GPD2: variants seen among roughly 807,000 people sequenced by gnomAD.
The protein encoded by GPD2 is glycerol-3-phosphate dehydrogenase 2.
In GPD2, 54 loss-of-function variants were observed where a neutral mutation model predicts 82.4. The ratio of observed to expected loss-of-function variants is 0.66; its 90% confidence interval spans 0.53 to 0.82. The LOEUF (loss-of-function observed/expected upper bound fraction) is 0.82. GPD2 is among the 40% of genes least tolerant of loss of function. GPD2 has a pLI of 0.00. For missense variants in GPD2, 748 were observed against 896.2 expected, an observed-to-expected ratio of 0.83 and a Z score of 2.11; for synonymous variants, 288 against 306.1, an observed-to-expected ratio of 0.94 and a Z score of 0.62.
At chr2:156,546,348 G>C (rs1489668375) in intron 6 of GPD2, among the ~76,000 whole-genome samples, 1 of 152,166 alleles carries the variant, frequency 6.6e-6, no homozygotes, top group East Asian at 1.9e-4. Flanking sequence ...ATGCAGTGTT[G>C]TCAAAAACTT....
At chr2:156,426,218 C>T in the GPD2 span, among the ~76,000 whole-genome samples, 5 of 152,186 alleles carry the variant, frequency 3.3e-5, no homozygotes, top group Non-Finnish European at 5.9e-5. Flanking sequence ...CCACCACGCC[C>T]GGCCAAGTCT....
At chr2:156,534,027 G>T (rs946756897) in intron 6 of GPD2, among the ~76,000 whole-genome samples, 1 of 152,208 alleles carries the variant, frequency 6.6e-6, no homozygotes, top group African/African-American at 2.4e-5. Flanking sequence ...GTTCTTGTCT[G>T]GTATCCAGGA....
chr2:156,579,025 A>G (rs557829306), intron 14 of GPD2, 24 bp downstream of exon 14: 15 of 1,546,516 alleles, frequency 9.7e-6, no homozygotes, highest in South Asian at 8.9e-5. Flanking sequence ...GTGTCTATCT[A>G]TCTCTCTTTT....
chr2:156,405,630 G>A, the GPD2 span, among the ~76,000 whole-genome samples: 2 of 152,100 alleles, frequency 1.3e-5, no homozygotes, highest in Non-Finnish European at 2.9e-5. Context: ...TTTCACATCG[G>A]GAATGCTGTA....
At chr2:156,534,201 C>T (rs1468624886) in intron 6 of GPD2, among the ~76,000 whole-genome samples, 1 of 152,126 alleles carries the variant, frequency 6.6e-6, no homozygotes, top group Non-Finnish European at 1.5e-5. Context: ...TCCTCTCTGA[C>T]CATCCACAGC....
At chr2:156,535,427 AG>A (rs1686038257) in intron 6 of GPD2, among the ~76,000 whole-genome samples, 1 of 46,592 alleles carries the variant, frequency 2.1e-5, no homozygotes, top group Non-Finnish European at 4.2e-5. Flanking sequence ...TAGGAAAGAG[AG>A]GGGGGTGGGG....
At chr2:156,436,861 G>A (rs1189955905) in intron 1 of GPD2, among the ~76,000 whole-genome samples, 1 of 152,206 alleles carries the variant, frequency 6.6e-6, no homozygotes, top group African/African-American at 2.4e-5. Context: ...GAACGAGTCT[G>A]GAGGAGGGCT....
At chr2:156,486,800 C>A (rs1683959537) in intron 2 of GPD2, among the ~76,000 whole-genome samples, 1 of 152,084 alleles carries the variant, frequency 6.6e-6, no homozygotes, top group African/African-American at 2.4e-5. Context: ...TGAAATAATT[C>A]ACAGAGAAAT....
the GPD2 span, among the ~76,000 whole-genome samples, chr2:156,412,043 G>T: frequency 6.6e-6 from 1 of 152,144 alleles, no homozygotes; most frequent in African/African-American, 2.4e-5. Context: ...GCTTCTCTTA[G>T]TAGTATTGAG....
intron 3 of GPD2, among the ~76,000 whole-genome samples, chr2:156,506,887 A>G (rs1684802921): frequency 6.6e-6 from 1 of 152,232 alleles, no homozygotes; most frequent in Admixed American, 6.5e-5. Flanking sequence ...TTCTAGAAAA[A>G]ATTTAAATGT....
chr2:156,405,837 T>A, the GPD2 span, among the ~76,000 whole-genome samples: 1 of 152,138 alleles, frequency 6.6e-6, no homozygotes. Context: ...TCTTCTCTTT[T>A]AGGCAAGCCT....
chr2:156,466,807 A>C (rs1175860543), intron 1 of GPD2, among the ~76,000 whole-genome samples: 1 of 152,170 alleles, frequency 6.6e-6, no homozygotes, highest in African/African-American at 2.4e-5. Context: ...ATAGTTATTG[A>C]CCTTATTTTC....
At chr2:156,555,897 C>G (rs1686943750) in intron 8 of GPD2, among the ~76,000 whole-genome samples, 2 of 152,172 alleles carry the variant, frequency 1.3e-5, no homozygotes, top group African/African-American at 4.8e-5. Context: ...TACCTACTCT[C>G]TCCGATGTGT....
chr2:156,446,632 T>C (rs1431767273), intron 1 of GPD2, among the ~76,000 whole-genome samples: 1 of 151,916 alleles, frequency 6.6e-6, no homozygotes, highest in Non-Finnish European at 1.5e-5. Flanking sequence ...TGGAATGCAG[T>C]GGCACGATCT....
At chr2:156,477,897 G>C (rs1683569041) in intron 2 of GPD2, among the ~76,000 whole-genome samples, 1 of 152,288 alleles carries the variant, frequency 6.6e-6, no homozygotes, top group East Asian at 1.9e-4. Context: ...TGGGCATTAA[G>C]GGATTAGATT....
intron 3 of GPD2, among the ~76,000 whole-genome samples, chr2:156,507,067 G>T (rs539419956): frequency 6.6e-6 from 1 of 151,780 alleles, no homozygotes; most frequent in African/African-American, 2.4e-5. Flanking sequence ...AGGCTGGAGT[G>T]CAATGGCACG....
intron 9 of GPD2, among the ~76,000 whole-genome samples, chr2:156,564,660 G>A (rs1227859026): frequency 6.6e-6 from 1 of 152,086 alleles, no homozygotes; most frequent in East Asian, 1.9e-4. Context: ...TCAAGGTTGG[G>A]AGGGGAACTG....
chr2:156,459,022 TATATA>T, intron 1 of GPD2, among the ~76,000 whole-genome samples: 1 of 123,728 alleles, frequency 8.1e-6, no homozygotes, highest in Admixed American at 8.5e-5. Flanking sequence ...TATATATATA[TATATA>T]CACACACACA....
At chr2:156,542,475 A>G (rs1158641958) in intron 6 of GPD2, among the ~76,000 whole-genome samples, 1 of 152,186 alleles carries the variant, frequency 6.6e-6, no homozygotes. Flanking sequence ...TTTGAGTTTC[A>G]CCAGTCTATA....
Sources: gnomAD v4.1 joint callset for allele counts (sites outside exome capture counted in the v4.1 genomes callset) on GRCh38, gnomAD v4.1.1 for gene constraint, MANE v1.5 for transcripts, NCBI Gene and HGNC (gene_info 2026-07-23, HGNC 2026-07-21) for gene names.